Variants in FGFR2 observed in about 807,000 individuals in gnomAD.
The protein encoded by FGFR2 is BEK fibroblast growth factor receptor.
FGFR2 carries 19 observed loss-of-function variants against 95.9 expected under a neutral mutation model. That is an observed-to-expected ratio of 0.20 (90% confidence interval 0.14 to 0.29). The LOEUF (loss-of-function observed/expected upper bound fraction) is 0.29. Ranked by LOEUF, FGFR2 falls within the 10% of genes least tolerant of loss-of-function variation. The pLI, the probability that FGFR2 is intolerant of heterozygous loss-of-function variation, is 1.00. For missense variants in FGFR2, 707 were observed against 1,056.9 expected (o/e 0.67, Z 4.59); for synonymous variants, 392 against 393.3 (o/e 1.00, Z 0.04).
At chr10:121,499,874 A>C (rs961981803) in intron 11 of FGFR2, among the ~76,000 whole-genome samples, 2 of 152,208 alleles carry the variant, frequency 1.3e-5, no homozygotes, top group Non-Finnish European at 2.9e-5. Flanking sequence ...TAAAAAACCC[A>C]AAAAACAAAA....
intron 13 of FGFR2, among the ~76,000 whole-genome samples, chr10:121,491,896 G>T (rs1846187552): frequency 6.8e-6 from 1 of 146,748 alleles, no homozygotes; most frequent in African/African-American, 2.5e-5. Flanking sequence ...AAACTGCTCA[G>T]GGCCAGGCGC....
chr10:121,494,665 T>C (rs928822807), intron 13 of FGFR2, among the ~76,000 whole-genome samples: 2 of 152,082 alleles, frequency 1.3e-5, no homozygotes, highest in Non-Finnish European at 2.9e-5. Context: ...ACCTACTCAA[T>C]CACTTGCTGT....
intron 6 of FGFR2, among the ~76,000 whole-genome samples, chr10:121,522,031 T>C (rs1162728891): frequency 6.6e-6 from 1 of 152,168 alleles, no homozygotes; most frequent in Non-Finnish European, 1.5e-5. Flanking sequence ...AACAGGATAG[T>C]CACAGAAAGA....
rs553959532 is a variant in FGFR2 at position 121,549,746 on chromosome 10, C to T, written c.624+1544G>A. ...CCAACAGTCAGTGAGGAACTGAGGC[C>T]CTCTGCAAGGAAGTGAATCCTAACA... is the stretch of plus-strand genomic sequence containing the variant. On this transcript the variant is annotated intron_variant, in intron 5 of 17. Transcript: ENST00000358487. Among the ~76,000 whole-genome samples the T allele has an allele frequency of 5.3e-5, 8 of 152,224 alleles. No homozygotes were observed. The South Asian group carries it at 1.7e-3, about 32-fold the overall frequency.
intron 5 of FGFR2, among the ~76,000 whole-genome samples, chr10:121,542,776 T>C (rs543826194): frequency 3.2e-4 from 49 of 152,110 alleles, no homozygotes; most frequent in Non-Finnish European, 5.1e-4. Flanking sequence ...CCAGACAGGT[T>C]TTTCGGAATT....
rs376412728 is a variant in FGFR2, at chr10:121,498,704, G to A, written c.1562-99C>T. 34 of 998,556 alleles carry A rather than the reference G, an allele frequency of 3.4e-5. 1 individual carries two copies. The highest frequency in any genetic ancestry group is 1.4e-4 in the Admixed American group (8 of 56,656). 61.9% of individuals were successfully genotyped at this position (998,556 alleles called of 1,614,324 possible). A position where few individuals can be genotyped will look rare whatever the true frequency, so the allele number is the denominator to read the frequency against. On this transcript the variant is annotated intron_variant, in intron 11 of 17. Coordinates refer to ENST00000358487, the MANE Select transcript of FGFR2 (RefSeq NM_000141.5). ...GACTTAGTTGAAACAGCATGAAATT[G>A]AATTTCAGAATCAGAAAAGATTTTC...
intron 13 of FGFR2, among the ~76,000 whole-genome samples, chr10:121,493,405 G>A (rs1426936616): frequency 6.6e-6 from 1 of 152,098 alleles, no homozygotes; most frequent in Non-Finnish European, 1.5e-5. Flanking sequence ...GCTAGGGTGG[G>A]CAGGGGTACC....
intron 10 of FGFR2, among the ~76,000 whole-genome samples, chr10:121,503,471 T>C (rs989986262): frequency 1.3e-4 from 20 of 152,220 alleles, no homozygotes; most frequent in African/African-American, 4.8e-4. Context: ...TCAGATCTGT[T>C]TTATAAATTG....
chr10:121,522,168 T>TA (rs1219388246), intron 6 of FGFR2, among the ~76,000 whole-genome samples: 1 of 152,174 alleles, frequency 6.6e-6, no homozygotes, highest in Non-Finnish European at 1.5e-5. Flanking sequence ...TCAAGAGGCA[T>TA]AAAGTTTCAG....
intron 4 of FGFR2, among the ~76,000 whole-genome samples, chr10:121,557,262 T>C (rs146517902): frequency 2.2e-4 from 33 of 152,332 alleles, no homozygotes; most frequent in East Asian, 1.4e-3. Flanking sequence ...AGTCCAACCA[T>C]TGGATGGAAC....
At chr10:121,497,130 C>T (rs1484349406) in intron 12 of FGFR2, among the ~76,000 whole-genome samples, 1 of 91,452 alleles carries the variant, frequency 1.1e-5, no homozygotes, top group Non-Finnish European at 2.3e-5. Context: ...GACTTTGTCT[C>T]AAAAAAAAAA....
At position 121,496,645 on chromosome 10, in the gene FGFR2, T is replaced by A; in HGVS notation, c.1750A>T (p.Met584Leu). 6.2e-7 allele frequency: 1 copy of A among 1,610,488 alleles called. No individual in the cohort carries two copies. The highest frequency in any genetic ancestry group is 1.4e-5 in the African/African-American group (1 of 73,916). The change falls in exon 13 of 18, where the codon ATG becomes TTG. Residue 584 changes from methionine (M) to leucine (L), a missense_variant. Met to Leu is a conservative substitution (Grantham distance 15). Transcript: ENST00000358487. ...EYLRARRPPG[M>L]EYSYDINRVP... ...CGGTTAATGTCATAGGAGTACTCCA[T>A]CCCGGGTGGCCTCCGGGCTCGGAGG...
intron 12 of FGFR2, 133 bp from the exon 13 acceptor site, chr10:121,496,855 G>T: frequency 1.3e-6 from 1 of 779,882 alleles, no homozygotes; most frequent in Non-Finnish European, 2.1e-6. Flanking sequence ...CAGCGGCTGG[G>T]CGTGGTGCCT....
At chr10:121,480,915 G>GA (rs544708011) in intron 17 of FGFR2, among the ~76,000 whole-genome samples, 81 of 145,738 alleles carry the variant, frequency 5.6e-4, no homozygotes, top group Non-Finnish European at 7.8e-4. Context: ...GTAAGCGGTT[G>GA]AAAAAAAAAA....
chr10:121,593,946 G>T lies in FGFR2; in HGVS notation c.-129C>A. 1 of 795,392 alleles carries T rather than the reference G, an allele frequency of 1.3e-6. No homozygotes were observed. The highest frequency in any genetic ancestry group is 1.4e-5 in the South Asian group (1 of 69,624). The allele number at this position is 795,392 out of a possible 1,614,324, so 49.3% of individuals were successfully genotyped here. ...CTGCGGTGGGCTCAGGAACCGAGGC[G>T]CTGCCGCTGCTGCTGCAGTCACTAA... On this transcript the variant is annotated 5_prime_UTR_variant, in exon 2 of 18. Transcript: ENST00000358487.
At chr10:121,567,782 T>G (rs1326406230) in intron 2 of FGFR2, among the ~76,000 whole-genome samples, 1 of 152,240 alleles carries the variant, frequency 6.6e-6, no homozygotes, top group Non-Finnish European at 1.5e-5. Flanking sequence ...CCATTCCTTA[T>G]TGTCTGGCGC....
chr10:121,524,527 G>A (rs1158171570), intron 6 of FGFR2, among the ~76,000 whole-genome samples: 10 of 152,308 alleles, frequency 6.6e-5, no homozygotes, highest in Admixed American at 3.9e-4. Context: ...AGGCCTGGAC[G>A]TCTTGGAAAA....
intron 2 of FGFR2, among the ~76,000 whole-genome samples, chr10:121,568,301 G>A (rs982637116): frequency 6.6e-6 from 1 of 152,164 alleles, no homozygotes; most frequent in Non-Finnish European, 1.5e-5. Context: ...TTGAGTCCCA[G>A]GTCTCCAACA....
chr10:121,495,130 T>C (rs1316433786), intron 13 of FGFR2, among the ~76,000 whole-genome samples: 1 of 152,142 alleles, frequency 6.6e-6, no homozygotes, highest in Non-Finnish European at 1.5e-5. Context: ...GGATGCCAAA[T>C]AGATTGGCAA....
Sources: gnomAD v4.1 joint callset for allele counts (sites outside exome capture counted in the v4.1 genomes callset) on GRCh38, gnomAD v4.1.1 for gene constraint, MANE v1.5 for transcripts, NCBI Gene and HGNC (gene_info 2026-07-23, HGNC 2026-07-21) for gene names.